Variants in ZNF804B observed in about 807,000 individuals in gnomAD.
The protein encoded by ZNF804B is zinc finger protein 804B.
ZNF804B carries 80 observed loss-of-function variants against 101.4 expected under a neutral mutation model. The ratio of observed to expected loss-of-function variants is 0.79; its 90% CI spans 0.66 to 0.95. The LOEUF (loss-of-function observed/expected upper bound fraction) is 0.95, where lower values mean the gene tolerates loss of function less well. ZNF804B is among the 40% of genes least tolerant of loss of function. The probability of loss-of-function intolerance (pLI) is 0.00; values close to 1 mark genes in which losing one functional copy is unlikely to be tolerated. For synonymous variants in ZNF804B, 622 were observed against 558.8 expected, an observed-to-expected ratio of 1.11 and a Z score of -1.59; for missense variants, 1,673 against 1,561.9, an observed-to-expected ratio of 1.07 and a Z score of -1.20.
intron 1 of ZNF804B, among the ~76,000 whole-genome samples, chr7:89,150,026 A>G (rs149584014): frequency 1.3e-4 from 20 of 152,146 alleles, no homozygotes; most frequent in African/African-American, 1.9e-4. Context: ...ACCTTGATCC[A>G]AAAATATTAA....
chr7:89,070,607 A>G (rs1400784947), intron 1 of ZNF804B, among the ~76,000 whole-genome samples: 1 of 152,044 alleles, frequency 6.6e-6, no homozygotes, highest in Non-Finnish European at 1.5e-5. Context: ...TAATAATAGG[A>G]TCTATGTCCT....
intron 2 of ZNF804B, among the ~76,000 whole-genome samples, chr7:89,240,046 T>A (rs1789343795): frequency 6.6e-6 from 1 of 151,426 alleles, no homozygotes; most frequent in African/African-American, 2.4e-5. Flanking sequence ...AAATAATAAT[T>A]AATTAATTGT....
intron 2 of ZNF804B, among the ~76,000 whole-genome samples, chr7:89,289,323 C>A (rs1790252526): frequency 6.6e-6 from 1 of 151,614 alleles, no homozygotes. Flanking sequence ...ATAGGAACAC[C>A]AAATTCAACA....
chr7:88,808,200 T>C (rs7808344), intron 1 of ZNF804B, among the ~76,000 whole-genome samples: 76,958 of 151,696 alleles, frequency 0.51, 21,769 homozygotes, highest in East Asian at 0.81. Context: ...GAGACCCGTC[T>C]GGCCAACATG....
chr7:89,111,460 G>A (rs544687517), intron 1 of ZNF804B, among the ~76,000 whole-genome samples: 2 of 152,262 alleles, frequency 1.3e-5, no homozygotes, highest in South Asian at 2.1e-4. Flanking sequence ...GTTTTAATTT[G>A]TAGCTCTGTA....
Position 88,870,288 on chromosome 7 carries a change from G to A in ZNF804B, c.108+110204G>A, listed in dbSNP as rs542235614. On this transcript the variant is annotated intron_variant, in intron 1 of 3. Coordinates refer to ENST00000333190, the MANE Select transcript of ZNF804B (RefSeq NM_181646.5). The stretch of plus-strand genomic sequence containing the variant: ...TAGTCCCAGCTACACGGGAGGCTGA[G>A]GCAGGAGAATGGCGTGAACCCGGGA... 2.1e-3 allele frequency among the ~76,000 whole-genome samples: 320 copies of A among 149,798 alleles called. 2 individuals are homozygous for A. The highest frequency in any genetic ancestry group is 7.6e-3 in the African/African-American group (306 of 40,342).
At chr7:89,217,479 C>T (rs1231798031) in intron 1 of ZNF804B, among the ~76,000 whole-genome samples, 1 of 152,118 alleles carries the variant, frequency 6.6e-6, no homozygotes, top group Non-Finnish European at 1.5e-5. Context: ...ACACCTTGTG[C>T]ATAGTTTATA....
intron 1 of ZNF804B, among the ~76,000 whole-genome samples, chr7:89,117,268 A>G (rs1469214758): frequency 1.3e-5 from 2 of 152,204 alleles, no homozygotes; most frequent in African/African-American, 2.4e-5. Flanking sequence ...TTAAGCCACC[A>G]AGTTTTGGTA....
intron 1 of ZNF804B, among the ~76,000 whole-genome samples, chr7:89,150,439 T>C (rs1033678126): frequency 7.2e-5 from 11 of 152,088 alleles, no homozygotes; most frequent in African/African-American, 2.2e-4. Context: ...GAGAAAAGCA[T>C]TGTCTTGTTA....
chr7:89,219,567 A>G (rs752872732), intron 2 of ZNF804B, among the ~76,000 whole-genome samples: 3 of 151,658 alleles, frequency 2.0e-5, no homozygotes, highest in Non-Finnish European at 4.4e-5. Flanking sequence ...TATTGTTCTC[A>G]TCTGGTTAGA....
chr7:88,908,561 T>C (rs925853447), intron 1 of ZNF804B, among the ~76,000 whole-genome samples: 26 of 151,974 alleles, frequency 1.7e-4, no homozygotes, highest in African/African-American at 6.3e-4. Context: ...TCAAAGAATA[T>C]TTGCAAGAAC....
intron 1 of ZNF804B, among the ~76,000 whole-genome samples, chr7:89,062,730 C>T (rs1789398623): frequency 6.6e-6 from 1 of 152,056 alleles, no homozygotes; most frequent in Non-Finnish European, 1.5e-5. Context: ...TGAGTGGACC[C>T]AGTCAACTCA....
intron 1 of ZNF804B, among the ~76,000 whole-genome samples, chr7:88,782,658 A>G (rs1311257240): frequency 6.6e-6 from 1 of 152,112 alleles, no homozygotes. Context: ...CCTTATTGTC[A>G]TTTATAAAGT....
intron 1 of ZNF804B, among the ~76,000 whole-genome samples, chr7:89,175,631 A>G (rs969783263): frequency 1.3e-5 from 2 of 151,978 alleles, no homozygotes; most frequent in African/African-American, 2.4e-5. Context: ...TTTGGCAGGG[A>G]TGCATTCAAT....
chr7:89,174,878 C>A (rs1791295699), intron 1 of ZNF804B, among the ~76,000 whole-genome samples: 1 of 152,002 alleles, frequency 6.6e-6, no homozygotes. Flanking sequence ...TACCTGTATG[C>A]CATGTTTATG....
intron 1 of ZNF804B, among the ~76,000 whole-genome samples, chr7:89,071,464 G>A (rs1362988647): frequency 1.3e-5 from 2 of 152,084 alleles, no homozygotes; most frequent in Non-Finnish European, 2.9e-5. Context: ...ACGTGATTGA[G>A]AGGTAAGGAC....
Position 89,180,547 on chromosome 7 carries a change from G to A in ZNF804B, c.109-37608G>A, listed in dbSNP as rs114660474. 4.8e-3 allele frequency among the ~76,000 whole-genome samples: 737 copies of A among 152,098 alleles called. 9 individuals carry two copies. Among genetic ancestry groups the A allele is most frequent in the African/African-American group, 0.017 (714 of 41,484 alleles). On this transcript the variant is annotated intron_variant, in intron 1 of 3. Coordinates refer to ENST00000333190, the MANE Select transcript of ZNF804B (RefSeq NM_181646.5). ...AATGGGCTCCCTCCTGGCTCAAGGT[G>A]TGTCTAGAAATGTTGTCCAAGAGCT...
intron 1 of ZNF804B, among the ~76,000 whole-genome samples, chr7:88,979,604 CTTTCT>C (rs1420295227): frequency 3.5e-5 from 4 of 115,342 alleles, no homozygotes; most frequent in East Asian, 2.3e-4. Flanking sequence ...TTTTCTTTTT[CTTTCT>C]TTTTTTTTTT....
intron 2 of ZNF804B, among the ~76,000 whole-genome samples, chr7:89,315,962 G>C (rs1009807794): frequency 6.6e-6 from 1 of 152,058 alleles, no homozygotes; most frequent in Non-Finnish European, 1.5e-5. Context: ...TGCATTGTAG[G>C]AATTATGTAG....
Sources: gnomAD v4.1 joint callset for allele counts (sites outside exome capture counted in the v4.1 genomes callset) on GRCh38, gnomAD v4.1.1 for gene constraint, MANE v1.5 for transcripts, NCBI Gene and HGNC (gene_info 2026-07-23, HGNC 2026-07-21) for gene names.